CROT: variants seen among roughly 807,000 people sequenced by gnomAD.
CROT encodes peroxisomal carnitine O-octanoyltransferase.
In CROT, 84 loss-of-function variants were observed where a neutral mutation model predicts 89.2. The ratio of observed to expected loss-of-function variants is 0.94; its 90% CI spans 0.79 to 1.13. The LOEUF (loss-of-function observed/expected upper bound fraction) is 1.13, where lower values mean the gene tolerates loss of function less well. Among genes scored for constraint, CROT ranks in the 50% most tolerant of loss-of-function variants. The pLI, the probability that CROT is intolerant of heterozygous loss-of-function variation, is 0.00. For synonymous variants in CROT, 212 were observed against 239.5 expected, an observed-to-expected ratio of 0.89 and a Z score of 1.06; for missense variants, 711 against 727.8, an observed-to-expected ratio of 0.98 and a Z score of 0.27.
At chr7:87,382,569 C>G in intron 13 of CROT, 26 bp downstream of exon 13, 1 of 1,601,334 alleles carries the variant, frequency 6.2e-7, no homozygotes, top group Non-Finnish European at 8.5e-7. Flanking sequence ...TTTCTATTTT[C>G]ACAGTCTTGA....
At chr7:87,392,683 A>G in intron 15 of CROT, 39 bp downstream of exon 15, 3 of 1,610,274 alleles carry the variant, frequency 1.9e-6, no homozygotes, top group Non-Finnish European at 1.7e-6. Flanking sequence ...AAAATCTCTC[A>G]TGGTGAAAAA....
rs757353621 is a variant in CROT, at chr7:87,375,874, T to C, written c.797T>C (p.Leu266Ser). The C allele has an allele frequency of 3.3e-5, 53 of 1,613,394 alleles. No individual in the cohort carries two copies. Among genetic ancestry groups the C allele is most frequent in the Non-Finnish European group, 4.3e-5 (51 of 1,179,584 alleles). ...CTTGATCCAGAGAACTTGGCTTTGT[T>C]AGAAAAAATTCAGAGTAGTTTACTG... Reference protein sequence around the residue: ...IGLDPENLALLEKIQSSLLVY... With the variant: ...IGLDPENLALSEKIQSSLLVY... Residue 266 changes from leucine (L) to serine (S), a missense_variant, in exon 9 of 18, where the codon TTA (leucine) becomes TCA (serine). By Grantham distance (145) the Leu-to-Ser change is moderately radical. Coordinates refer to ENST00000331536, the MANE Select transcript of CROT (RefSeq NM_021151.4).
chr7:87,377,307 A>G (rs1330118785), intron 9 of CROT, 42 bp from the exon 10 acceptor site: 2 of 1,257,788 alleles, frequency 1.6e-6, no homozygotes, highest in South Asian at 2.6e-5. Flanking sequence ...TTACAAACCA[A>G]TATTAAACCC....
rs758272710 is a variant in CROT, at chr7:87,361,807, G to T, written c.502G>T (p.Val168Phe). 5.6e-6 allele frequency: 9 copies of T among 1,608,770 alleles called. No homozygotes were observed. The highest frequency in any genetic ancestry group is 2.2e-5 in the East Asian group (1 of 44,792). The change falls in exon 6 of 18, where the codon GTT (valine) becomes TTT (phenylalanine). Residue 168 changes from valine to phenylalanine, a missense_variant. Physicochemically the swap from Val to Phe is conservative, Grantham distance 50 (BLOSUM62 -1). Transcript: ENST00000331536. ...CCGAATGCTATTTTCTACCTGCAAG[G>T]TTCCAGGAATTACTAGAGACTCCAT... ...QFRMLFSTCKVPGITRDSIMN... is the reference protein window; with the variant it reads ...QFRMLFSTCKFPGITRDSIMN...
intron 3 of CROT, among the ~76,000 whole-genome samples, chr7:87,356,433 A>G (rs530933117): frequency 6.6e-6 from 1 of 152,300 alleles, no homozygotes. Flanking sequence ...TTCTGGTTGA[A>G]CTGTACAAGA....
At chr7:87,359,152 G>C in intron 3 of CROT, 54 bp from the exon 4 acceptor site, 1 of 1,151,006 alleles carries the variant, frequency 8.7e-7, no homozygotes, top group Non-Finnish European at 1.3e-6. Context: ...TAATAATAGA[G>C]GTGAGTTGGT....
At chr7:87,358,481 C>CAAA (rs11405316) in intron 3 of CROT, among the ~76,000 whole-genome samples, 22 of 95,484 alleles carry the variant, frequency 2.3e-4, no homozygotes, top group East Asian at 5.8e-4. Context: ...GACTCCATCT[C>CAAA]AAAAAAAAAA....
chr7:87,361,915 C>T (rs1279233984), intron 6 of CROT, 63 bp downstream of exon 6: 39 of 1,399,446 alleles, frequency 2.8e-5, no homozygotes, highest in Non-Finnish European at 3.0e-5. Context: ...CCTACTATGA[C>T]GTGATGGAAC....
chr7:87,347,796 G>C (rs1410258721), intron 2 of CROT, among the ~76,000 whole-genome samples: 3 of 152,088 alleles, frequency 2.0e-5, no homozygotes, highest in Non-Finnish European at 4.4e-5. Context: ...CCATGGTGCT[G>C]TTTAGTTCGT....
At chr7:87,346,022 C>T (rs1805656379) in intron 1 of CROT, among the ~76,000 whole-genome samples, 1 of 152,014 alleles carries the variant, frequency 6.6e-6, no homozygotes, top group South Asian at 2.1e-4. Flanking sequence ...AGCCTCCGAG[C>T]TCTCATTGCC....
chr7:87,398,180 C>A, intron 17 of CROT: 1 of 380,336 alleles, frequency 2.6e-6, no homozygotes, highest in Non-Finnish European at 5.1e-6. Flanking sequence ...AGCATGAATT[C>A]ATATTCCAAC....
chr7:87,359,091 A>G lies in CROT; in HGVS notation c.116-115A>G. 4 of 731,338 alleles carry G rather than the reference A, an allele frequency of 5.5e-6. No individual in the cohort carries two copies. In the South Asian group the frequency reaches 6.6e-5, roughly 12 times the overall value. The allele number at this position is 731,338 out of a possible 1,614,324, so 45.3% of individuals were successfully genotyped here. ...ATTTTATTGTTCTGCTCTGCTATTT[A>G]ATACAGTACTGTGTTTTACATATCT... is the stretch of plus-strand genomic sequence containing the variant. On this transcript the variant is annotated intron_variant, in intron 3 of 17. Transcript: ENST00000331536.
At chr7:87,398,313 C>T (rs1807615176) in intron 17 of CROT, 1 of 681,774 alleles carries the variant, frequency 1.5e-6, no homozygotes, top group Admixed American at 2.0e-5. Context: ...CCCTTTGTCC[C>T]TAGGTGCTAG....
At position 87,398,767 on chromosome 7, in the gene CROT, A is replaced by G. The variant is rs1381499879; in HGVS notation, c.*123A>G. On this transcript the variant is annotated 3_prime_UTR_variant, in exon 18 of 18. Coordinates refer to ENST00000331536, the MANE Select transcript of CROT (RefSeq NM_021151.4). Reference sequence around the variant, plus strand: ...AACATTCCTTTAACAAGTTAAGAAAACTTGTTAAATGTAGAAATTAGTAGA... The same window carrying G: ...AACATTCCTTTAACAAGTTAAGAAAGCTTGTTAAATGTAGAAATTAGTAGA... 3 of 912,830 alleles carry G rather than the reference A, an allele frequency of 3.3e-6. No individual in the cohort carries two copies. Among genetic ancestry groups the G allele is most frequent in the Non-Finnish European group, 4.9e-6 (3 of 616,040 alleles). 56.5% of individuals were successfully genotyped at this position (912,830 alleles called of 1,614,324 possible). A position where few individuals can be genotyped will look rare whatever the true frequency, so the allele number is the denominator to read the frequency against.
intron 17 of CROT, among the ~76,000 whole-genome samples, chr7:87,394,146 T>C (rs1266249742): frequency 1.3e-5 from 2 of 152,174 alleles, no homozygotes; most frequent in African/African-American, 2.4e-5. Flanking sequence ...TCAATCATAA[T>C]TGCATTAAAT....
Position 87,375,715 on chromosome 7 carries a change from G to A in CROT, c.740G>A (p.Arg247Gln), listed in dbSNP as rs750022928. Residue 247 changes from arginine (R) to glutamine (Q), a missense_variant, in exon 8 of 18, where the codon CGA becomes CAA. By Grantham distance (43) the Arg-to-Gln change is conservative (BLOSUM62 1). Transcript: ENST00000331536. ...IAALTSEERT[R>Q]WAKAREYLIG... Reference sequence around the variant, plus strand: ...GCATTAACTAGTGAGGAGCGAACTCGATGGGCTAAGGTTCTGATTTACACT... The same window carrying A: ...GCATTAACTAGTGAGGAGCGAACTCAATGGGCTAAGGTTCTGATTTACACT... 5 of 1,613,408 alleles carry A rather than the reference G, an allele frequency of 3.1e-6. No homozygotes were observed. The highest frequency in any genetic ancestry group is 2.2e-5 in the South Asian group (2 of 91,064).
chr7:87,357,378 C>A (rs1475680297), intron 3 of CROT: 2 of 1,214,698 alleles, frequency 1.6e-6, no homozygotes, highest in Non-Finnish European at 2.4e-6. Context: ...GAGACTCTAA[C>A]CCCATTGGGC....
intron 9 of CROT, 31 bp downstream of exon 9, chr7:87,375,984 T>C (rs758583499): frequency 4.3e-6 from 6 of 1,380,678 alleles, no homozygotes; most frequent in Non-Finnish European, 4.9e-6. Flanking sequence ...TTTTTTTTTA[T>C]TGCAGATTTT....
intron 7 of CROT, among the ~76,000 whole-genome samples, chr7:87,370,670 A>G (rs1806603475): frequency 6.6e-6 from 1 of 152,230 alleles, no homozygotes; most frequent in Non-Finnish European, 1.5e-5. Flanking sequence ...AAATTAGAAC[A>G]TTTCTAATAC....
Sources: allele counts gnomAD v4.1 joint callset (sites outside exome capture counted in the v4.1 genomes callset), GRCh38; gene constraint gnomAD v4.1.1; transcripts MANE v1.5; gene names NCBI Gene and HGNC (gene_info 2026-07-23, HGNC 2026-07-21).